ERC2: variants seen among roughly 807,000 people sequenced by gnomAD.
ERC2 encodes the protein ELKS/RAB6-interacting/CAST family member 2, also known as ERC protein 2.
Under a neutral mutation model 114.8 loss-of-function variants are expected in ERC2, and 42 were observed. That is an observed-to-expected ratio of 0.37 (90% confidence interval 0.29 to 0.47). The LOEUF is 0.47. Ranked by LOEUF, ERC2 falls within the 20% of genes least tolerant of loss-of-function variation. The pLI is 0.99. For missense variants in ERC2, 939 were observed against 1,150.7 expected, an observed-to-expected ratio of 0.82 and a Z score of 2.66; for synonymous variants, 454 against 425.5, an observed-to-expected ratio of 1.07 and a Z score of -0.82.
intron 6 of ERC2, among the ~76,000 whole-genome samples, chr3:56,138,051 CTTTTTTTT>C (rs920983143): frequency 3.2e-5 from 3 of 92,672 alleles, no homozygotes; most frequent in African/African-American, 8.0e-5. Flanking sequence ...AATGGTATTT[CTTTTTTTT>C]TTTTTTTTTT....
chr3:55,794,281 A>G (rs1459605188), intron 14 of ERC2, among the ~76,000 whole-genome samples: 2 of 152,222 alleles, frequency 1.3e-5, no homozygotes, highest in African/African-American at 2.4e-5. Context: ...CCTTTCTAAT[A>G]ACAAGAATGA....
intron 2 of ERC2, among the ~76,000 whole-genome samples, chr3:56,311,243 CTCTCTCTCTCTCTATATATA>C (rs1438405880): frequency 2.3e-3 from 49 of 20,956 alleles, no homozygotes; most frequent in African/African-American, 5.6e-3. Context: ...CTCTCTCTCT[CTCTCTCTCTCTCTATATATA>C]TATATATATA....
intron 14 of ERC2, among the ~76,000 whole-genome samples, chr3:55,756,481 G>GT: frequency 6.6e-6 from 1 of 152,180 alleles, no homozygotes; most frequent in South Asian, 2.1e-4. Flanking sequence ...GGACATGACA[G>GT]TAAGTATTTT....
At chr3:56,215,423 A>T (rs1204011420) in intron 3 of ERC2, among the ~76,000 whole-genome samples, 1 of 152,244 alleles carries the variant, frequency 6.6e-6, no homozygotes, top group Non-Finnish European at 1.5e-5. Context: ...TAAAGGGATC[A>T]ATTCAACAAG....
At chr3:55,747,631 A>G (rs963868906) in intron 14 of ERC2, among the ~76,000 whole-genome samples, 2 of 152,252 alleles carry the variant, frequency 1.3e-5, no homozygotes, top group African/African-American at 4.8e-5. Flanking sequence ...ATGCACACTC[A>G]TTAATCATGA....
intron 14 of ERC2, among the ~76,000 whole-genome samples, chr3:55,836,525 T>C (rs1455710943): frequency 6.6e-6 from 1 of 152,198 alleles, no homozygotes; most frequent in Non-Finnish European, 1.5e-5. Context: ...ATTTAATAAA[T>C]GGTGCTGGGA....
chr3:55,773,613 G>A (rs1002074813), intron 14 of ERC2, among the ~76,000 whole-genome samples: 4 of 152,186 alleles, frequency 2.6e-5, no homozygotes, highest in Non-Finnish European at 5.9e-5. Context: ...CTATGAGGCA[G>A]GAATGTTGGT....
At position 56,200,671 on chromosome 3, in the gene ERC2, C is replaced by T. The variant is rs748661201; in HGVS notation, c.1075-27151G>A. 4.6e-5 allele frequency among the ~76,000 whole-genome samples: 7 copies of T among 152,274 alleles called. No homozygotes were observed. The South Asian group carries it at 1.4e-3, about 32-fold the overall frequency. ...AGGCTAAGGTGACTTGAGGAGAATA[C>T]TCCATAGATACAAAAGGGGGAATTG... On this transcript the variant is annotated intron_variant, in intron 3 of 17. Transcript: ENST00000288221.
chr3:56,286,433 AAAAAAAG>A (rs2054718223), intron 3 of ERC2, among the ~76,000 whole-genome samples: 1 of 150,858 alleles, frequency 6.6e-6, no homozygotes, highest in African/African-American at 2.4e-5. Flanking sequence ...AAAAAAAAAA[AAAAAAAG>A]GCAGAAAAAA....
At chr3:55,765,190 A>G (rs1002059181) in intron 14 of ERC2, among the ~76,000 whole-genome samples, 1 of 152,140 alleles carries the variant, frequency 6.6e-6, no homozygotes, top group African/African-American at 2.4e-5. Context: ...TAAGATAGAG[A>G]ATTCAGACCA....
At chr3:55,779,327 C>CAAAAAAAAAAAAAA in intron 14 of ERC2, among the ~76,000 whole-genome samples, 1 of 62,464 alleles carries the variant, frequency 1.6e-5, no homozygotes, top group Non-Finnish European at 3.5e-5. Context: ...ACTAAAAATA[C>CAAAAAAAAAAAAAA]AAAAAAAAAA....
At chr3:56,345,931 G>T (rs565420528) in intron 2 of ERC2, among the ~76,000 whole-genome samples, 3 of 152,210 alleles carry the variant, frequency 2.0e-5, no homozygotes, top group Non-Finnish European at 4.4e-5. Context: ...AGACCAAGGG[G>T]AGAAGAAAGT....
chr3:55,551,904 C>T (rs779143910), intron 17 of ERC2, among the ~76,000 whole-genome samples: 1 of 152,204 alleles, frequency 6.6e-6, no homozygotes, highest in African/African-American at 2.4e-5. Context: ...CACTCAGATT[C>T]AGCCATTATC....
At chr3:56,131,466 T>C (rs1187055746) in intron 6 of ERC2, among the ~76,000 whole-genome samples, 3 of 152,222 alleles carry the variant, frequency 2.0e-5, no homozygotes, top group African/African-American at 7.2e-5. Flanking sequence ...AAGTTGATTT[T>C]GTTGTATGCT....
intron 4 of ERC2, among the ~76,000 whole-genome samples, chr3:56,169,491 T>C (rs2082510674): frequency 6.6e-6 from 1 of 152,160 alleles, no homozygotes; most frequent in Non-Finnish European, 1.5e-5. Flanking sequence ...CCCTTCCATT[T>C]GTGATAGTTG....
chr3:55,950,609 T>A (rs779826531), intron 12 of ERC2, 49 bp from the exon 13 acceptor site: 1 of 1,605,826 alleles, frequency 6.2e-7, no homozygotes, highest in Non-Finnish European at 8.5e-7. Flanking sequence ...TGGAAGATCA[T>A]ATGTTATCAC....
At chr3:55,566,685 A>G (rs2056397265) in intron 17 of ERC2, among the ~76,000 whole-genome samples, 1 of 152,034 alleles carries the variant, frequency 6.6e-6, no homozygotes, top group African/African-American at 2.4e-5. Context: ...TCAGCCTCCC[A>G]AAGTGCTGGG....
intron 17 of ERC2, among the ~76,000 whole-genome samples, chr3:55,554,736 C>G (rs1028283662): frequency 1.3e-5 from 2 of 152,232 alleles, no homozygotes; most frequent in African/African-American, 4.8e-5. Context: ...CCCCTCCCCC[C>G]TTCCCCGTGC....
rs115362108 is a variant in ERC2, at chr3:56,146,511, C to T, written c.1305+2466G>A. On this transcript the variant is annotated intron_variant, in intron 5 of 17. Transcript: ENST00000288221. ...CATCTTATTTGTATTTCTTAGAAAT[C>T]CATTTTTCTCATTAGTCAAGTTAAA... Among the ~76,000 whole-genome samples the T allele has an allele frequency of 9.8e-3, 1,498 of 152,182 alleles. 29 individuals carry two copies. The highest frequency in any genetic ancestry group is 0.034 in the African/African-American group (1,426 of 41,526).
Sources: gnomAD v4.1 joint callset for allele counts (sites outside exome capture counted in the v4.1 genomes callset) on GRCh38, gnomAD v4.1.1 for gene constraint, MANE v1.5 for transcripts, NCBI Gene and HGNC (gene_info 2026-07-23, HGNC 2026-07-21) for gene names.